Variants in SLC39A11 observed in about 807,000 individuals in gnomAD.
SLC39A11 encodes the protein solute carrier family 39 member 11, also known as zinc transporter ZIP11.
Under a neutral mutation model 36.1 loss-of-function variants are expected in SLC39A11, and 33 were observed. The ratio of observed to expected loss-of-function variants is 0.91; its 90% confidence interval spans 0.69 to 1.22. SLC39A11 has a LOEUF of 1.22. Among genes scored for constraint, SLC39A11 ranks in the 50% most tolerant of loss-of-function variants. The pLI, the probability that SLC39A11 is intolerant of heterozygous loss-of-function variation, is 0.00. For synonymous variants in SLC39A11, 166 were observed against 170.3 expected (o/e 0.97, Z 0.20); for missense variants, 432 against 430.3 (o/e 1.00, Z -0.03).
chr17:72,904,969 C>T (rs551256535), intron 5 of SLC39A11, among the ~76,000 whole-genome samples: 6 of 150,844 alleles, frequency 4.0e-5, no homozygotes, highest in East Asian at 4.0e-4. Flanking sequence ...GTCAGGAGAT[C>T]GAGACCATCC....
At chr17:73,009,901 C>A (rs541455117) in intron 4 of SLC39A11, among the ~76,000 whole-genome samples, 58 of 151,668 alleles carry the variant, frequency 3.8e-4, no homozygotes, top group Non-Finnish European at 7.5e-4. Context: ...CCCCACCCCA[C>A]GACAGGCCCC....
chr17:72,701,428 G>A (rs2072611915), intron 7 of SLC39A11, among the ~76,000 whole-genome samples: 1 of 152,134 alleles, frequency 6.6e-6, no homozygotes, highest in Admixed American at 6.5e-5. Flanking sequence ...GAGTGATGCA[G>A]TTTAAAGAAC....
At chr17:73,022,890 C>A (rs1480708260) in intron 4 of SLC39A11, among the ~76,000 whole-genome samples, 5 of 152,070 alleles carry the variant, frequency 3.3e-5, no homozygotes, top group Non-Finnish European at 7.3e-5. Flanking sequence ...AGCAACCCCA[C>A]CCTGTGAATT....
chr17:72,768,527 A>G lies in SLC39A11; in HGVS notation c.602-31808T>C, dbSNP rs367640033. Among the ~76,000 whole-genome samples, 61 of 152,288 alleles carry G rather than the reference A, an allele frequency of 4.0e-4. 1 individual carries two copies. In the East Asian group the frequency reaches 9.1e-3, roughly 23 times the overall value. The stretch of plus-strand genomic sequence containing the variant: ...AGCCTCCCAGAAGCTGACCCAAGCA[A>G]CCATCCCATGAGGGGCTGTGTGTAC... On this transcript the variant is annotated intron_variant, in intron 6 of 9. Coordinates refer to ENST00000255559, the MANE Select transcript of SLC39A11 (RefSeq NM_139177.4).
intron 2 of SLC39A11, among the ~76,000 whole-genome samples, chr17:73,085,422 G>C (rs1255440665): frequency 2.0e-5 from 3 of 152,102 alleles, no homozygotes; most frequent in Non-Finnish European, 4.4e-5. Context: ...AAGGCAGGTG[G>C]ATCACCTGAG....
intron 6 of SLC39A11, among the ~76,000 whole-genome samples, chr17:72,829,867 C>A (rs1030928511): frequency 6.6e-6 from 1 of 152,106 alleles, no homozygotes; most frequent in Non-Finnish European, 1.5e-5. Context: ...TTGAGCCCCC[C>A]ACTCAGCTGA....
At chr17:72,848,461 T>C (rs1041089345) in intron 6 of SLC39A11, among the ~76,000 whole-genome samples, 30 of 152,332 alleles carry the variant, frequency 2.0e-4, no homozygotes, top group African/African-American at 7.0e-4. Flanking sequence ...AGCTCACGCC[T>C]GTAGTCCCAA....
At position 72,985,407 on chromosome 17, in the gene SLC39A11, C is replaced by CTTTTTTTTTT. The variant is rs386386576; in HGVS notation, c.307-37542_307-37533dup. Reference sequence around the variant, plus strand: ...CCTTCTTTATTTGCATGGGGCCTGCCTTTTTTTTTTTTTTTTTTTTTTTGA... The same window carrying CTTTTTTTTTT: ...CCTTCTTTATTTGCATGGGGCCTGCCTTTTTTTTTTTTTTTTTTTTTTTTTTTTTTTTTGA... On this transcript the variant is annotated intron_variant, in intron 4 of 9. Transcript: ENST00000255559. Among the ~76,000 whole-genome samples, 35 of 78,932 alleles carry CTTTTTTTTTT rather than the reference C, an allele frequency of 4.4e-4. 2 individuals carry two copies. The highest frequency in any genetic ancestry group is 5.4e-4 in the Non-Finnish European group (23 of 42,950). The allele number at this position is 78,932 out of a possible 152,430, so 51.8% of individuals were successfully genotyped here.
At chr17:72,791,522 A>G (rs2076703549) in intron 6 of SLC39A11, among the ~76,000 whole-genome samples, 1 of 152,164 alleles carries the variant, frequency 6.6e-6, no homozygotes, top group Admixed American at 6.5e-5. Flanking sequence ...TGCAATCACA[A>G]ATACTTCCAC....
At chr17:73,064,969 T>A (rs2059955820) in intron 3 of SLC39A11, among the ~76,000 whole-genome samples, 1 of 152,182 alleles carries the variant, frequency 6.6e-6, no homozygotes, top group South Asian at 2.1e-4. Flanking sequence ...AAGACAGGGC[T>A]TCCCCTTTCT....
intron 6 of SLC39A11, among the ~76,000 whole-genome samples, chr17:72,785,276 C>T (rs946011674): frequency 6.6e-6 from 1 of 152,168 alleles, no homozygotes; most frequent in Admixed American, 6.5e-5. Context: ...AAATTACCAT[C>T]AAGGAGGTTT....
intron 5 of SLC39A11, among the ~76,000 whole-genome samples, chr17:72,918,816 C>A (rs998715930): frequency 6.6e-6 from 1 of 152,182 alleles, no homozygotes; most frequent in African/African-American, 2.4e-5. Context: ...GTAATCCCAG[C>A]ACTTTGGGGG....
intron 5 of SLC39A11, among the ~76,000 whole-genome samples, chr17:72,928,932 T>G (rs371273013): frequency 4.6e-5 from 7 of 152,234 alleles, no homozygotes; most frequent in Admixed American, 2.0e-4. Flanking sequence ...CCAGAAGCAG[T>G]AGGAAGTCGA....
intron 5 of SLC39A11, among the ~76,000 whole-genome samples, chr17:72,898,187 G>A (rs967524181): frequency 2.6e-5 from 4 of 152,192 alleles, no homozygotes; most frequent in African/African-American, 9.7e-5. Context: ...TGGACAGATG[G>A]TGGAAAGATA....
chr17:72,804,539 A>T (rs1369839566), intron 6 of SLC39A11, among the ~76,000 whole-genome samples: 1 of 152,240 alleles, frequency 6.6e-6, no homozygotes, highest in Non-Finnish European at 1.5e-5. Context: ...TTAACCATGC[A>T]AGAAGACCAT....
intron 7 of SLC39A11, among the ~76,000 whole-genome samples, chr17:72,662,446 G>GA (rs370785563): frequency 5.9e-5 from 6 of 102,316 alleles, no homozygotes; most frequent in South Asian, 3.0e-4. Flanking sequence ...AGAAAGAAAA[G>GA]AAAAAAAAGA....
chr17:72,673,463 G>A (rs1247954710), intron 7 of SLC39A11, among the ~76,000 whole-genome samples: 27 of 152,174 alleles, frequency 1.8e-4, no homozygotes, highest in Non-Finnish European at 1.2e-4. Flanking sequence ...TATCTACAAT[G>A]TATCTTATTT....
chr17:72,691,145 T>C (rs1402175605), intron 7 of SLC39A11, among the ~76,000 whole-genome samples: 1 of 152,188 alleles, frequency 6.6e-6, no homozygotes, highest in South Asian at 2.1e-4. Flanking sequence ...ACACAGATGC[T>C]GACTCTGGAG....
intron 6 of SLC39A11, among the ~76,000 whole-genome samples, chr17:72,761,282 T>G (rs1201643128): frequency 6.6e-6 from 1 of 152,062 alleles, no homozygotes; most frequent in Non-Finnish European, 1.5e-5. Flanking sequence ...GCCTGGCTAA[T>G]TTTTGTATAT....
Sources: allele counts gnomAD v4.1 joint callset (sites outside exome capture counted in the v4.1 genomes callset), GRCh38; gene constraint gnomAD v4.1.1; transcripts MANE v1.5; gene names NCBI Gene and HGNC (gene_info 2026-07-23, HGNC 2026-07-21).